The following YTHDC2 variants were observed in gnomAD, a reference collection of about 807,000 sequenced individuals.
The protein encoded by YTHDC2 is 3'-5' RNA helicase YTHDC2.
In YTHDC2, 45 loss-of-function variants were observed where a neutral mutation model predicts 174.9. The ratio of observed to expected loss-of-function variants is 0.26; its 90% CI spans 0.20 to 0.33. The LOEUF is 0.33. YTHDC2 is among the 10% of genes least tolerant of loss of function. The pLI, the probability that YTHDC2 is intolerant of heterozygous loss-of-function variation, is 1.00. For missense variants in YTHDC2, 1,650 were observed against 1,723.7 expected (o/e 0.96, Z 0.76); for synonymous variants, 657 against 574.5 (o/e 1.14, Z -2.05).
At position 113,593,503 on chromosome 5, in the gene YTHDC2, A is replaced by G. The variant is rs975965510; in HGVS notation, c.*29A>G. 2 of 807,980 alleles carry G rather than the reference A, an allele frequency of 2.5e-6. No individual in the cohort carries two copies. Among genetic ancestry groups the G allele is most frequent in the African/African-American group, 3.5e-5 (2 of 57,468 alleles). 50.1% of individuals were successfully genotyped at this position (807,980 alleles called of 1,614,324 possible). A position where few individuals can be genotyped will look rare whatever the true frequency, so the allele number is the denominator to read the frequency against. On this transcript the variant is annotated 3_prime_UTR_variant, in exon 30 of 30. Transcript: ENST00000161863. Reference sequence around the variant, plus strand: ...CTAGAACTCTTAGCTGTGGAAGAACATCATGCCTATTTATAACCACTGAAT... The same window carrying G: ...CTAGAACTCTTAGCTGTGGAAGAACGTCATGCCTATTTATAACCACTGAAT...
At chr5:113,566,978 A>C (rs1046806540) in intron 21 of YTHDC2, 114 bp from the exon 22 acceptor site, 1 of 1,160,260 alleles carries the variant, frequency 8.6e-7, no homozygotes, top group African/African-American at 1.6e-5. Flanking sequence ...TCTATTAATT[A>C]TCGTGAAATT....
chr5:113,541,749 T>C (rs1355365196), intron 9 of YTHDC2, among the ~76,000 whole-genome samples: 1 of 152,074 alleles, frequency 6.6e-6, no homozygotes, highest in African/African-American at 2.4e-5. Context: ...AAAATTGTTA[T>C]TTAACATCTT....
chr5:113,522,146 T>G (rs201843808), intron 2 of YTHDC2, among the ~76,000 whole-genome samples: 1 of 147,392 alleles, frequency 6.8e-6, no homozygotes, highest in Non-Finnish European at 1.5e-5. Context: ...TTTTTGTTTT[T>G]TTTTTTTTTG....
intron 8 of YTHDC2, among the ~76,000 whole-genome samples, chr5:113,539,477 A>G (rs1775302777): frequency 6.6e-6 from 1 of 152,216 alleles, no homozygotes. Flanking sequence ...GGCTGCCCAC[A>G]GCATATCTCA....
intron 9 of YTHDC2, among the ~76,000 whole-genome samples, chr5:113,541,341 G>A (rs1210789302): frequency 1.3e-5 from 2 of 151,916 alleles, no homozygotes; most frequent in East Asian, 1.9e-4. Flanking sequence ...ATAGGCGCCC[G>A]CCACCATGTC....
intron 25 of YTHDC2, chr5:113,581,913 T>C (rs986871340): frequency 7.4e-5 from 28 of 380,518 alleles, no homozygotes; most frequent in African/African-American, 5.6e-4. Context: ...AATTTTAAAC[T>C]ATTGATATCT....
chr5:113,589,611 A>G (rs1319706530), intron 26 of YTHDC2, among the ~76,000 whole-genome samples: 1 of 151,676 alleles, frequency 6.6e-6, no homozygotes, highest in East Asian at 1.9e-4. Flanking sequence ...GGCCACCTGT[A>G]TTCCTAGCTA....
At chr5:113,581,863 A>G (rs1778423755) in intron 25 of YTHDC2, 154 bp downstream of exon 25, 2 of 579,792 alleles carry the variant, frequency 3.4e-6, no homozygotes, top group South Asian at 5.3e-5. Context: ...AGAGTTTTCT[A>G]CTTGTTCAAC....
chr5:113,563,365 G>T lies in YTHDC2; in HGVS notation c.2323-8G>T, dbSNP rs775621189. 1.2e-6 allele frequency: 2 copies of T among 1,602,390 alleles called. No homozygotes were observed. Among genetic ancestry groups the T allele is most frequent in the East Asian group, 2.2e-5 (1 of 44,696 alleles). On this transcript the variant is annotated splice_polypyrimidine_tract_variant and splice_region_variant and intron_variant, in intron 18 of 29. Coordinates refer to ENST00000161863, the MANE Select transcript of YTHDC2 (RefSeq NM_022828.5). ...TTTTAAAAAATTATTTACTGTTTTG[G>T]TTTATAGGAACTTTGCTTACATACC...
Position 113,526,623 on chromosome 5 carries a change from C to G in YTHDC2, c.513C>G (p.Asn171Lys). ...REMSKTSGRL[N>K]NGIPQIPVKR... Reference sequence around the variant, plus strand: ...TGAGCAAGACAAGTGGGCGACTCAACAATGGCATACCTCAGATTCCAGTGA... The same window carrying G: ...TGAGCAAGACAAGTGGGCGACTCAAGAATGGCATACCTCAGATTCCAGTGA... Residue 171 changes from asparagine (N) to lysine (K), a missense_variant, in exon 4 of 30, where the codon AAC becomes AAG. Transcript: ENST00000161863. 6.3e-7 allele frequency: 1 copy of G among 1,577,298 alleles called. No homozygotes were observed.
intron 25 of YTHDC2, chr5:113,583,559 A>G (rs908619888): frequency 6.6e-6 from 1 of 152,210 alleles, no homozygotes; most frequent in Non-Finnish European, 1.5e-5. Flanking sequence ...ATCTCAGCTC[A>G]CTGCAACCTC....
intron 16 of YTHDC2, among the ~76,000 whole-genome samples, chr5:113,554,845 G>GTA (rs1776493356): frequency 6.6e-6 from 1 of 151,930 alleles, no homozygotes; most frequent in South Asian, 2.1e-4. Context: ...AATGAAAGTG[G>GTA]TAAAGATAAT....
chr5:113,540,177 GT>G (rs1366749465), intron 8 of YTHDC2, among the ~76,000 whole-genome samples: 1 of 152,198 alleles, frequency 6.6e-6, no homozygotes, highest in Non-Finnish European at 1.5e-5. Context: ...GAGCCACCAT[GT>G]CCAGCTGAAA....
chr5:113,553,432 T>A (rs1198278664), intron 13 of YTHDC2, 73 bp downstream of exon 13: 11 of 1,458,022 alleles, frequency 7.5e-6, no homozygotes. Context: ...GTGTACAAAT[T>A]TTTATATAAT....
chr5:113,521,080 A>G (rs752923750), intron 2 of YTHDC2, among the ~76,000 whole-genome samples: 2 of 152,236 alleles, frequency 1.3e-5, no homozygotes, highest in African/African-American at 2.4e-5. Flanking sequence ...GTGTTCCTGC[A>G]AAGGACATGG....
chr5:113,560,887 C>T (rs1039170403), intron 17 of YTHDC2, among the ~76,000 whole-genome samples, 193 bp from the exon 18 acceptor site: 1 of 152,202 alleles, frequency 6.6e-6, no homozygotes, highest in African/African-American at 2.4e-5. Context: ...ATCTCACTGT[C>T]TGAAATAATT....
chr5:113,587,510 T>C (rs967795436), intron 26 of YTHDC2, among the ~76,000 whole-genome samples: 2 of 135,188 alleles, frequency 1.5e-5, no homozygotes, highest in Non-Finnish European at 3.1e-5. Context: ...ATAATGTATT[T>C]ATATGTAATA....
At chr5:113,543,950 C>A (rs537138845) in intron 10 of YTHDC2, among the ~76,000 whole-genome samples, 2 of 152,138 alleles carry the variant, frequency 1.3e-5, no homozygotes, top group Non-Finnish European at 2.9e-5. Flanking sequence ...CATTTTCTCA[C>A]GATATTTCCT....
chr5:113,534,405 G>C lies in YTHDC2; in HGVS notation c.943G>C (p.Val315Leu). ...STLSTVTHVI[V>L]DEVHERDRFS... ...GTTGTCGACTGTGACACATGTTATCGTGGTAAGAATATTGCTGAATTTGTC... is the reference window on the plus strand; with the variant it reads ...GTTGTCGACTGTGACACATGTTATCCTGGTAAGAATATTGCTGAATTTGTC... Residue 315 changes from valine (V) to leucine (L), a missense_variant and splice_region_variant, in exon 6 of 30, where the codon GTG becomes CTG. Transcript: ENST00000161863. 3 of 1,610,010 alleles carry C rather than the reference G, an allele frequency of 1.9e-6. No individual in the cohort carries two copies. Among genetic ancestry groups the C allele is most frequent in the Non-Finnish European group, 2.5e-6 (3 of 1,177,150 alleles).
Sources: gnomAD v4.1 joint callset for allele counts (sites outside exome capture counted in the v4.1 genomes callset) on GRCh38, gnomAD v4.1.1 for gene constraint, MANE v1.5 for transcripts, NCBI Gene and HGNC (gene_info 2026-07-23, HGNC 2026-07-21) for gene names.